FER1L6: variants seen among roughly 807,000 people sequenced by gnomAD.
FER1L6 encodes the protein fer-1 like family member 6.
A neutral mutation model predicts 219.2 loss-of-function variants in FER1L6; 177 were observed. The observed-to-expected ratio is 0.81, with a 90% CI of 0.71 to 0.91. The LOEUF is 0.91. Ranked by LOEUF, FER1L6 falls within the 40% of genes least tolerant of loss-of-function variation. The pLI, the probability that FER1L6 is intolerant of heterozygous loss-of-function variation, is 0.00. For synonymous variants in FER1L6, 768 were observed against 824.3 expected, an observed-to-expected ratio of 0.93 and a Z score of 1.17; for missense variants, 2,153 against 2,259.9, an observed-to-expected ratio of 0.95 and a Z score of 0.96.
chr8:123,985,671 A>C (rs1476124127), intron 11 of FER1L6: 1 of 164,368 alleles, frequency 6.1e-6, no homozygotes, highest in Non-Finnish European at 1.3e-5. Flanking sequence ...GCTCAAATCT[A>C]AGGATTTTAT....
rs1419282952 is a variant in FER1L6, at chr8:123,856,308, A to G, written c.-8+4123A>G. Among the ~76,000 whole-genome samples the G allele has an allele frequency of 7.4e-3, 472 of 64,182 alleles. 72 individuals are homozygous for G. Among genetic ancestry groups the G allele is most frequent in the African/African-American group, 0.023 (384 of 16,656 alleles). The allele number at this position is 64,182 out of a possible 152,430, so 42.1% of individuals were successfully genotyped here. ...TGTGTGTGTGTATATATATATATAT[A>G]TGTATGTGTATATATATATATATAT... On this transcript the variant is annotated intron_variant, in intron 1 of 40. Coordinates refer to ENST00000522917, the MANE Select transcript of FER1L6 (RefSeq NM_001039112.2).
At chr8:124,048,044 A>G (rs1222170846) in intron 21 of FER1L6, among the ~76,000 whole-genome samples, 1 of 152,206 alleles carries the variant, frequency 6.6e-6, no homozygotes, top group African/African-American at 2.4e-5. Flanking sequence ...TGTTAGGCAG[A>G]TCACTGATTT....
intron 1 of FER1L6, among the ~76,000 whole-genome samples, chr8:123,885,299 T>C (rs928313357): frequency 2.8e-4 from 43 of 152,228 alleles, no homozygotes; most frequent in African/African-American, 1.0e-3. Flanking sequence ...TGCTGAGGAA[T>C]GGTCTACCTG....
chr8:123,928,678 C>T (rs1281391527), intron 1 of FER1L6, among the ~76,000 whole-genome samples: 1 of 152,172 alleles, frequency 6.6e-6, no homozygotes, highest in Non-Finnish European at 1.5e-5. Flanking sequence ...TTAACACATT[C>T]TTTTTCTATT....
At chr8:123,903,071 T>C (rs376797664) in intron 1 of FER1L6, among the ~76,000 whole-genome samples, 19 of 152,072 alleles carry the variant, frequency 1.2e-4, no homozygotes, top group African/African-American at 4.6e-4. Flanking sequence ...TAGTAATTTG[T>C]TTTTTTTAAA....
Position 123,909,769 on chromosome 8 carries a change from GGGGATGATGTAGCTGTCCTTGTCAACT to G in FER1L6, c.-7-46222_-7-46196del, listed in dbSNP as rs1252768381. Among the ~76,000 whole-genome samples, 8 of 8,284 alleles carry G rather than the reference GGGGATGATGTAGCTGTCCTTGTCAACT, an allele frequency of 9.7e-4. No homozygotes were observed. In the East Asian group the frequency reaches 0.012, roughly 13 times the overall value. 5.4% of individuals were successfully genotyped at this position (8,284 alleles called of 152,430 possible). ...CAATGATAGCTGTCCTTGTCAACTA[GGGGATGATGTAGCTGTCCTTGTCAACT>G]AGGGGATGATGTAGCAATCAAATGA... On this transcript the variant is annotated intron_variant, in intron 1 of 40. Coordinates refer to ENST00000522917, the MANE Select transcript of FER1L6 (RefSeq NM_001039112.2).
At chr8:124,076,140 A>G (rs1821275974) in intron 31 of FER1L6, 58 bp from the exon 32 acceptor site, 2 of 1,600,816 alleles carry the variant, frequency 1.2e-6, no homozygotes, top group Non-Finnish European at 8.5e-7. Context: ...AGGTAATCCC[A>G]GTGTACAACC....
chr8:124,044,976 T>A (rs1819663165), intron 20 of FER1L6, among the ~76,000 whole-genome samples: 1 of 152,244 alleles, frequency 6.6e-6, no homozygotes, highest in Admixed American at 6.5e-5. Context: ...CTGCTCCAAC[T>A]GTATAATGGT....
At chr8:124,040,707 G>A (rs1280520977) in intron 20 of FER1L6, 2 of 152,858 alleles carry the variant, frequency 1.3e-5, no homozygotes, top group Non-Finnish European at 2.9e-5. Flanking sequence ...CAGGTTCCGA[G>A]GCAGCACAGG....
At chr8:123,969,421 CAT>C (rs1253468979) in intron 5 of FER1L6, among the ~76,000 whole-genome samples, 3 of 151,724 alleles carry the variant, frequency 2.0e-5, no homozygotes, top group Non-Finnish European at 4.4e-5. Context: ...CATTTTCACT[CAT>C]AATTATAAAT....
intron 2 of FER1L6, 56 bp downstream of exon 2, chr8:123,956,130 C>A: frequency 2.1e-6 from 3 of 1,462,222 alleles, no homozygotes; most frequent in East Asian, 2.3e-5. Flanking sequence ...GCAGAGTGAC[C>A]CCTCCGTGGC....
intron 12 of FER1L6, among the ~76,000 whole-genome samples, chr8:123,998,877 A>C (rs1182068211): frequency 6.6e-6 from 1 of 152,162 alleles, no homozygotes; most frequent in Non-Finnish European, 1.5e-5. Flanking sequence ...CCTGGCGATT[A>C]GCAATGTTCA....
chr8:123,950,630 A>T (rs1231441481), intron 1 of FER1L6, among the ~76,000 whole-genome samples: 1 of 152,212 alleles, frequency 6.6e-6, no homozygotes, highest in Non-Finnish European at 1.5e-5. Context: ...TTGCAGGTGA[A>T]ATATTAAGAT....
chr8:123,988,283 T>G (rs1816690944), intron 12 of FER1L6, among the ~76,000 whole-genome samples: 2 of 152,364 alleles, frequency 1.3e-5, no homozygotes, highest in Middle Eastern at 3.4e-3. Flanking sequence ...TTGTTCTTTT[T>G]GCTTAGAATA....
chr8:123,940,804 TG>T (rs1232127089), intron 1 of FER1L6, among the ~76,000 whole-genome samples: 2 of 152,214 alleles, frequency 1.3e-5, no homozygotes, highest in African/African-American at 4.8e-5. Context: ...TGGCATTGAA[TG>T]CTTTAAGTTT....
At chr8:123,857,439 G>A (rs941644239) in intron 1 of FER1L6, among the ~76,000 whole-genome samples, 3 of 152,184 alleles carry the variant, frequency 2.0e-5, no homozygotes, top group Non-Finnish European at 4.4e-5. Context: ...GAGCCCAGGA[G>A]TTCAAGGTTA....
Position 124,060,616 on chromosome 8 carries a change from C to T in FER1L6, c.3054C>T (p.Leu1018=). 6.2e-7 allele frequency: 1 copy of T among 1,614,090 alleles called. No homozygotes were observed. The highest frequency in any genetic ancestry group is 8.5e-7 in the Non-Finnish European group (1 of 1,180,000). ...QLLSVDRPQA[L]IECGGQGVKS... ...TCTCTGTGGATCGGCCTCAGGCTCT[C>T]ATTGAGTGCGGAGGACAAGGTGTGA... Residue 1018 remains leucine (L), a synonymous_variant, in exon 24 of 41, where the codon CTC becomes CTT. Coordinates refer to ENST00000522917, the MANE Select transcript of FER1L6 (RefSeq NM_001039112.2).
At chr8:124,041,393 A>ATGAT (rs1203602337) in intron 20 of FER1L6, among the ~76,000 whole-genome samples, 2 of 152,246 alleles carry the variant, frequency 1.3e-5, no homozygotes, top group African/African-American at 2.4e-5. Flanking sequence ...CATGACCTCG[A>ATGAT]TGATAGAGTA....
chr8:124,052,281 C>T (rs1313782417), intron 22 of FER1L6, among the ~76,000 whole-genome samples: 2 of 152,156 alleles, frequency 1.3e-5, no homozygotes, highest in Non-Finnish European at 2.9e-5. Flanking sequence ...CATGTTTTAT[C>T]CTTCTAACTA....
Sources: gnomAD v4.1 joint callset for allele counts (sites outside exome capture counted in the v4.1 genomes callset) on GRCh38, gnomAD v4.1.1 for gene constraint, MANE v1.5 for transcripts, NCBI Gene and HGNC (gene_info 2026-07-23, HGNC 2026-07-21) for gene names.